The following SSPN variants were observed in gnomAD, a reference collection of about 807,000 sequenced individuals.
SSPN encodes the protein sarcospan.
Under a neutral mutation model 19.1 loss-of-function variants are expected in SSPN, and 15 were observed. The ratio of observed to expected loss-of-function variants is 0.78; its 90% CI spans 0.52 to 1.21. SSPN has a LOEUF of 1.21. SSPN is among the 50% of genes most tolerant of loss of function. The pLI is 0.00. For missense variants in SSPN, 291 were observed against 314.0 expected, an observed-to-expected ratio of 0.93 and a Z score of 0.55; for synonymous variants, 147 against 140.3, an observed-to-expected ratio of 1.05 and a Z score of -0.34.
At chr12:26,144,021 C>G (rs916020036) in intron 1 of SSPN, among the ~76,000 whole-genome samples, 2 of 152,160 alleles carry the variant, frequency 1.3e-5, no homozygotes, top group African/African-American at 4.8e-5. Context: ...CCCACTGATT[C>G]TATATTATGG....
At chr12:26,126,177 C>T (rs1002801009) in intron 1 of SSPN, 2 of 152,398 alleles carry the variant, frequency 1.3e-5, no homozygotes, top group Admixed American at 1.3e-4. Context: ...GCCGGGTTAC[C>T]TTTCCCCAGA....
At chr12:26,163,290 A>G (rs540314588) in intron 1 of SSPN, among the ~76,000 whole-genome samples, 13 of 152,284 alleles carry the variant, frequency 8.5e-5, no homozygotes, top group African/African-American at 3.1e-4. Flanking sequence ...TATAATAAGT[A>G]CTAATCAATT....
intron 1 of SSPN, among the ~76,000 whole-genome samples, chr12:26,201,387 A>C (rs550607058): frequency 1.3e-5 from 2 of 152,072 alleles, no homozygotes; most frequent in South Asian, 4.2e-4. Flanking sequence ...CAGAAAAAAA[A>C]AAAAAGAATT....
intron 1 of SSPN, chr12:26,124,995 C>G: frequency 1.6e-6 from 1 of 636,072 alleles, no homozygotes; most frequent in Non-Finnish European, 2.9e-6. Context: ...CTCGCGCCGG[C>G]CCCACTGCGC....
chr12:26,128,425 T>C (rs1183679522), intron 1 of SSPN, among the ~76,000 whole-genome samples: 1 of 152,178 alleles, frequency 6.6e-6, no homozygotes, highest in African/African-American at 2.4e-5. Flanking sequence ...CCTAATTAAC[T>C]CTTATAATTT....
rs1944822064 is a variant in SSPN at position 26,195,743 on chromosome 12, C to T, written c.71C>T (p.Pro24Leu). ...CCGCCGGCCGCGGACGCCGCTGGGC[C>T]CGACGACATGGAGCCGAAGAAGGGC... ...GGPPAADAAG[P>L]DDMEPKKGTG... The change falls in exon 1 of 3, where the codon CCC becomes CTC. Residue 24 changes from proline (P) to leucine (L), a missense_variant. By Grantham distance (98) the Pro-to-Leu change is moderately conservative. Transcript: ENST00000242729. 10 of 1,474,774 alleles carry T rather than the reference C, an allele frequency of 6.8e-6. No individual in the cohort carries two copies. The highest frequency in any genetic ancestry group is 8.9e-6 in the Non-Finnish European group (10 of 1,117,436). 91.4% of individuals were successfully genotyped at this position (1,474,774 alleles called of 1,614,324 possible).
chr12:26,159,386 G>T lies in SSPN; in HGVS notation c.-31+37234G>T, dbSNP rs74830791. On this transcript the variant is annotated intron_variant, in intron 1 of 2. Transcript: ENST00000538142. Reference sequence around the variant, plus strand: ...CTGGAACAGGCAGGGAAGATGCCTAGGCAGCATGACCAGACTAAAGATTGG... The same window carrying T: ...CTGGAACAGGCAGGGAAGATGCCTATGCAGCATGACCAGACTAAAGATTGG... Among the ~76,000 whole-genome samples, 753 of 152,356 alleles carry T rather than the reference G, an allele frequency of 4.9e-3. 10 individuals are homozygous for T. The highest frequency in any genetic ancestry group is 0.017 in the African/African-American group (723 of 41,576).
In SSPN at chr12:26,178,212, A is replaced by G. The variant is rs1034174038; in HGVS notation, c.-30-46081A>G. 3.3e-5 allele frequency among the ~76,000 whole-genome samples: 5 copies of G among 152,204 alleles called. No individual in the cohort carries two copies. The South Asian group carries it at 6.2e-4, about 19-fold the overall frequency. On this transcript the variant is annotated intron_variant, in intron 1 of 2. Coordinates refer to the SSPN transcript ENST00000538142. ...AAAGCGTAGACTCTGAAGCCAGACC[A>G]CGTTGTTCAGACTTGGCTTCACCAG... is the stretch of plus-strand genomic sequence containing the variant.
chr12:26,138,042 A>G lies in SSPN; in HGVS notation c.-31+15890A>G. ...CCAGGACCTCCCCCGACCCCATGAT[A>G]CTAAAATCTGTGGATGTTCAAGTCC... On this transcript the variant is annotated intron_variant, in intron 1 of 2. Coordinates refer to the SSPN transcript ENST00000538142. Among the ~76,000 whole-genome samples the G allele has an allele frequency of 1.3e-5, 2 of 152,074 alleles. 1 individual carries two copies. The highest frequency in any genetic ancestry group is 3.9e-4 in the East Asian group (2 of 5,190).
At chr12:26,159,978 G>A (rs889979138) in intron 1 of SSPN, among the ~76,000 whole-genome samples, 1 of 152,222 alleles carries the variant, frequency 6.6e-6, no homozygotes, top group Admixed American at 6.5e-5. Flanking sequence ...GATTGGCTGT[G>A]ACATCTGCCT....
At chr12:26,226,226 A>T (rs1217461597) in intron 2 of SSPN, among the ~76,000 whole-genome samples, 1 of 152,170 alleles carries the variant, frequency 6.6e-6, no homozygotes, top group African/African-American at 2.4e-5. Context: ...TTCCAATGAC[A>T]CAACAGGGGA....
At chr12:26,220,280 C>T (rs1177448297) in intron 1 of SSPN, among the ~76,000 whole-genome samples, 1 of 150,136 alleles carries the variant, frequency 6.7e-6, no homozygotes, top group African/African-American at 2.4e-5. Context: ...ACAGTCCCCT[C>T]TCACCTTAGA....
intron 1 of SSPN, among the ~76,000 whole-genome samples, chr12:26,156,875 T>G (rs1591853410): frequency 6.6e-6 from 1 of 152,286 alleles, no homozygotes; most frequent in East Asian, 1.9e-4. Flanking sequence ...ATGAGGAAAC[T>G]GGCCCGTAGC....
Position 26,231,640 on chromosome 12 carries a change from A to AGGCTAGAT in SSPN, c.*565_*572dup, listed in dbSNP as rs1945234345. ...GTAGAAACGGAAGAGGCTTTGCAAA[A>AGGCTAGAT]GGCTAGATAACTAACAACACCTGGG... On this transcript the variant is annotated 3_prime_UTR_variant, in exon 3 of 3. Coordinates refer to ENST00000242729, the MANE Select transcript of SSPN (RefSeq NM_005086.5). 6.5e-6 allele frequency: 1 copy of AGGCTAGAT among 152,822 alleles called. No individual in the cohort carries two copies. The highest frequency in any genetic ancestry group is 1.9e-4 in the East Asian group (1 of 5,202). The allele number at this position is 152,822 out of a possible 1,614,324, so 9.5% of individuals were successfully genotyped here.
At chr12:26,147,774 G>A (rs556516171) in intron 1 of SSPN, among the ~76,000 whole-genome samples, 9 of 152,224 alleles carry the variant, frequency 5.9e-5, no homozygotes, top group Non-Finnish European at 7.4e-5. Context: ...CCTGTCTATC[G>A]TCAAGTGAAT....
chr12:26,142,814 GAGA>G (rs1366189711), intron 1 of SSPN, among the ~76,000 whole-genome samples: 2 of 152,214 alleles, frequency 1.3e-5, no homozygotes, highest in African/African-American at 2.4e-5. Context: ...GGAATAGTCA[GAGA>G]AGAAGGAAAG....
At chr12:26,185,006 C>T (rs1421564403) in intron 1 of SSPN, among the ~76,000 whole-genome samples, 3 of 151,990 alleles carry the variant, frequency 2.0e-5, no homozygotes, top group African/African-American at 7.3e-5. Flanking sequence ...GTGATACTTC[C>T]CCTGCTGTCT....
chr12:26,228,984 A>G (rs913709510), intron 2 of SSPN, among the ~76,000 whole-genome samples: 3 of 152,124 alleles, frequency 2.0e-5, no homozygotes, highest in Non-Finnish European at 4.4e-5. Context: ...CATCTCTTAA[A>G]AAAAATTTTT....
intron 1 of SSPN, among the ~76,000 whole-genome samples, chr12:26,169,542 C>T (rs1451156229): frequency 6.6e-6 from 1 of 151,654 alleles, no homozygotes; most frequent in Non-Finnish European, 1.5e-5. Context: ...ATCTCTTTAC[C>T]ATCAGCTACC....
Sources: allele counts gnomAD v4.1 joint callset (sites outside exome capture counted in the v4.1 genomes callset), GRCh38; gene constraint gnomAD v4.1.1; transcripts MANE v1.5; gene names NCBI Gene and HGNC (gene_info 2026-07-23, HGNC 2026-07-21).